The following DPP6 variants were observed in gnomAD, a reference collection of about 807,000 sequenced individuals.
The protein encoded by DPP6 is A-type potassium channel modulatory protein DPP6.
A neutral mutation model predicts 122.6 loss-of-function variants in DPP6; 69 were observed. The observed-to-expected ratio is 0.56, with a 90% CI of 0.46 to 0.69. DPP6 has a LOEUF of 0.69. DPP6 is among the 30% of genes least tolerant of loss of function. DPP6 has a pLI of 0.00. For synonymous variants in DPP6, 418 were observed against 433.1 expected (o/e 0.97, Z 0.43); for missense variants, 928 against 1,116.9 (o/e 0.83, Z 2.41).
At chr7:153,766,038 CAT>C in the DPP6 span, among the ~76,000 whole-genome samples, 4 of 152,228 alleles carry the variant, frequency 2.6e-5, no homozygotes, top group Non-Finnish European at 5.9e-5. Context: ...CCTATGACCA[CAT>C]TTTGAGTGGT....
chr7:154,185,789 T>C (rs1314398720), intron 1 of DPP6, among the ~76,000 whole-genome samples: 2 of 152,188 alleles, frequency 1.3e-5, no homozygotes, highest in Non-Finnish European at 2.9e-5. Context: ...ATCTACTCTT[T>C]TAGGCTTTTA....
At chr7:154,740,116 C>A (rs2131408045) in intron 8 of DPP6, among the ~76,000 whole-genome samples, 1 of 152,272 alleles carries the variant, frequency 6.6e-6, no homozygotes, top group Non-Finnish European at 1.5e-5. Context: ...CAATTAATGA[C>A]CTACTCCTGA....
chr7:154,813,552 T>A (rs1184462939), intron 16 of DPP6, among the ~76,000 whole-genome samples: 2 of 152,150 alleles, frequency 1.3e-5, no homozygotes, highest in Non-Finnish European at 2.9e-5. Flanking sequence ...TGTCAATATT[T>A]ATATCTAAAG....
At chr7:154,002,247 G>A (rs1797722350) in intron 1 of DPP6, among the ~76,000 whole-genome samples, 1 of 151,774 alleles carries the variant, frequency 6.6e-6, no homozygotes, top group South Asian at 2.1e-4. Flanking sequence ...TACGGACAAT[G>A]AGCCTTGACT....
At chr7:154,126,069 A>G (rs1465994393) in intron 1 of DPP6, among the ~76,000 whole-genome samples, 12 of 152,188 alleles carry the variant, frequency 7.9e-5, no homozygotes, top group Non-Finnish European at 1.6e-4. Flanking sequence ...TCCTTGGGAT[A>G]TTGAATCAGA....
intron 7 of DPP6, among the ~76,000 whole-genome samples, chr7:154,692,594 G>A (rs1839992009): frequency 6.6e-6 from 1 of 152,106 alleles, no homozygotes; most frequent in Non-Finnish European, 1.5e-5. Context: ...GTGTTGCGGG[G>A]ACATCCTCTA....
intron 1 of DPP6, among the ~76,000 whole-genome samples, chr7:153,959,269 C>T (rs1194396695): frequency 2.6e-5 from 4 of 151,364 alleles, no homozygotes; most frequent in East Asian, 2.0e-4. Context: ...ATAGCATGCT[C>T]GTTACTAATG....
chr7:153,777,819 T>C, the DPP6 span, among the ~76,000 whole-genome samples: 1 of 141,670 alleles, frequency 7.1e-6, no homozygotes, highest in East Asian at 2.0e-4. Flanking sequence ...TCTTGGTAGT[T>C]AATACGTGAT....
At chr7:154,121,804 G>A (rs187455939) in intron 1 of DPP6, among the ~76,000 whole-genome samples, 1 of 152,266 alleles carries the variant, frequency 6.6e-6, no homozygotes, top group South Asian at 2.1e-4. Flanking sequence ...TCTAATGTAG[G>A]TGTTCCCACC....
At chr7:154,711,953 C>CACACA (rs377715781) in intron 7 of DPP6, among the ~76,000 whole-genome samples, 7 of 151,096 alleles carry the variant, frequency 4.6e-5, no homozygotes, top group Admixed American at 4.6e-4. Context: ...CACACACACA[C>CACACA]ACACACACAC....
chr7:154,051,652 G>T (rs1481473217), upstream of DPP6, among the ~76,000 whole-genome samples: 30 of 150,306 alleles, frequency 2.0e-4, no homozygotes, highest in Non-Finnish European at 3.6e-4. Context: ...GTTGCGGGCA[G>T]CCGGAGAGCC....
intron 12 of DPP6, chr7:154,796,120 CA>C (rs1340221748): frequency 1.8e-6 from 1 of 559,188 alleles, no homozygotes; most frequent in Non-Finnish European, 3.0e-6. Context: ...CACGGCTCTT[CA>C]GAGCGTGGAA....
intron 21 of DPP6, 110 bp from the exon 22 acceptor site, chr7:154,885,523 A>C: frequency 1.4e-6 from 2 of 1,409,552 alleles, no homozygotes; most frequent in Non-Finnish European, 1.9e-6. Flanking sequence ...TTGTAAAAGG[A>C]GAGAACCTGC....
At chr7:154,516,019 C>G (rs1472388782) in intron 3 of DPP6, among the ~76,000 whole-genome samples, 1 of 152,174 alleles carries the variant, frequency 6.6e-6, no homozygotes, top group African/African-American at 2.4e-5. Context: ...ATACATTACA[C>G]CTACTACCTT....
chr7:154,884,852 CACAT>C (rs1563326460), intron 21 of DPP6: 1 of 152,392 alleles, frequency 6.6e-6, no homozygotes, highest in Admixed American at 6.5e-5. Context: ...TGTGCTTATA[CACAT>C]ACACCCATGC....
chr7:154,810,656 A>G (rs1458557080), intron 16 of DPP6, among the ~76,000 whole-genome samples: 1 of 152,166 alleles, frequency 6.6e-6, no homozygotes, highest in Non-Finnish European at 1.5e-5. Context: ...AAGGTCAGAC[A>G]CACGACTGAC....
chr7:154,875,820 T>C lies in DPP6; in HGVS notation c.1884-86T>C, dbSNP rs1804798786. The C allele has an allele frequency of 6.6e-7, 1 of 1,518,738 alleles. No individual in the cohort carries two copies. Among genetic ancestry groups the C allele is most frequent in the Admixed American group, 2.0e-5 (1 of 49,262 alleles). The allele number at this position is 1,518,738 out of a possible 1,614,324, so 94.1% of individuals were successfully genotyped here. A position where few individuals can be genotyped will look rare whatever the true frequency, so the allele number is the denominator to read the frequency against. Reference sequence around the variant, plus strand: ...CAGCCGGGTCACGGGTAAAATCCCTTACGGGGGTCATCTGACGTGGCAGCT... The same window carrying C: ...CAGCCGGGTCACGGGTAAAATCCCTCACGGGGGTCATCTGACGTGGCAGCT... On this transcript the variant is annotated intron_variant, in intron 19 of 25. Transcript: ENST00000377770. The surrounding 1 kb of genome is among the most constrained non-coding windows in gnomAD (Gnocchi z 4.5).
chr7:153,885,141 A>C (rs775931695), upstream of DPP6, among the ~76,000 whole-genome samples: 88 of 151,604 alleles, frequency 5.8e-4, no homozygotes, highest in Non-Finnish European at 1.2e-3. Flanking sequence ...AAAATTCTAG[A>C]TGAACGAATG....
At chr7:154,519,677 TG>T (rs1452176069) in intron 3 of DPP6, among the ~76,000 whole-genome samples, 3 of 152,248 alleles carry the variant, frequency 2.0e-5, no homozygotes, top group African/African-American at 7.2e-5. Context: ...TATAAGACAC[TG>T]GCCTTCCTGC....
Sources: gnomAD v4.1 joint callset for allele counts (sites outside exome capture counted in the v4.1 genomes callset) on GRCh38, gnomAD v4.1.1 for gene constraint, Gnocchi (gnomAD v3.1) non-coding constraint, MANE v1.5 for transcripts, NCBI Gene and HGNC (gene_info 2026-07-23, HGNC 2026-07-21) for gene names.